The following PRKAR2A variants were observed in gnomAD, a reference collection of about 807,000 sequenced individuals.
PRKAR2A encodes protein kinase cAMP-dependent type II regulatory subunit alpha, also known as cAMP-dependent protein kinase type II-alpha regulatory subunit.
In PRKAR2A, 29 loss-of-function variants were observed where a neutral mutation model predicts 51.9. The observed-to-expected ratio is 0.56, with a 90% CI of 0.42 to 0.76. The LOEUF (loss-of-function observed/expected upper bound fraction) is 0.76. PRKAR2A is among the 30% of genes least tolerant of loss of function. The pLI is 0.00. For missense variants in PRKAR2A, 445 were observed against 512.1 expected, an observed-to-expected ratio of 0.87 and a Z score of 1.26; for synonymous variants, 178 against 186.2, an observed-to-expected ratio of 0.96 and a Z score of 0.36.
At chr3:48,807,329 T>C (rs1265194968) in intron 2 of PRKAR2A, among the ~76,000 whole-genome samples, 1 of 151,944 alleles carries the variant, frequency 6.6e-6, no homozygotes, top group African/African-American at 2.4e-5. Context: ...AAAAGGTATA[T>C]GTAAGAGTTA....
chr3:48,824,370 G>A (rs2083022656), intron 1 of PRKAR2A, among the ~76,000 whole-genome samples: 1 of 151,886 alleles, frequency 6.6e-6, no homozygotes, highest in Non-Finnish European at 1.5e-5. Flanking sequence ...GCTCCAGCCT[G>A]GGTAACAGAG....
intron 1 of PRKAR2A, among the ~76,000 whole-genome samples, chr3:48,829,292 G>C (rs2083126393): frequency 6.6e-6 from 1 of 151,464 alleles, no homozygotes; most frequent in Non-Finnish European, 1.5e-5. Context: ...GCCCAGGTGG[G>C]CAGATCACCT....
At chr3:48,755,813 C>T (rs2107202386) in intron 9 of PRKAR2A, among the ~76,000 whole-genome samples, 1 of 144,710 alleles carries the variant, frequency 6.9e-6, no homozygotes, top group Non-Finnish European at 1.5e-5. Flanking sequence ...GAGTCTCGCT[C>T]TGTCGCCCAG....
intron 1 of PRKAR2A, among the ~76,000 whole-genome samples, chr3:48,808,049 T>C (rs1445832715): frequency 2.1e-5 from 3 of 141,754 alleles, no homozygotes; most frequent in South Asian, 2.3e-4. Context: ...TCTTTCTTTC[T>C]TTTTTTTTTT....
chr3:48,760,949 G>A (rs1481624358), intron 8 of PRKAR2A, among the ~76,000 whole-genome samples: 1 of 151,844 alleles, frequency 6.6e-6, no homozygotes, highest in Admixed American at 6.6e-5. Context: ...ATTGCACACT[G>A]TACTGAAGCC....
intron 1 of PRKAR2A, among the ~76,000 whole-genome samples, chr3:48,813,986 C>T (rs1206044621): frequency 1.3e-5 from 2 of 152,046 alleles, no homozygotes; most frequent in South Asian, 2.1e-4. Context: ...TAGGGCCAGG[C>T]GCAGTGTAAT....
At chr3:48,808,247 TTTTTG>T (rs1227797121) in intron 1 of PRKAR2A, among the ~76,000 whole-genome samples, 59 of 150,136 alleles carry the variant, frequency 3.9e-4, no homozygotes, top group South Asian at 2.5e-3. Flanking sequence ...GGGTTTTTTG[TTTTTG>T]TTTTGTTTTG....
intron 9 of PRKAR2A, among the ~76,000 whole-genome samples, chr3:48,753,619 G>C (rs143627939): frequency 6.6e-6 from 1 of 152,148 alleles, no homozygotes; most frequent in East Asian, 1.9e-4. Context: ...CTCTAAAACA[G>C]AAGGGACTTA....
At chr3:48,793,940 A>C in intron 3 of PRKAR2A, 57 bp downstream of exon 3, 1 of 1,315,734 alleles carries the variant, frequency 7.6e-7, no homozygotes, top group Non-Finnish European at 1.1e-6. Context: ...TATGTAGAGA[A>C]GGGGAGTTAA....
In PRKAR2A at chr3:48,785,094, CT is replaced by C. The variant is rs34088103; in HGVS notation, c.436-2003del. Among the ~76,000 whole-genome samples the C allele has an allele frequency of 3.7e-3, 511 of 137,386 alleles. 6 individuals are homozygous for C. Among genetic ancestry groups the C allele is most frequent in the African/African-American group, 0.011 (416 of 37,092 alleles). 90.1% of individuals were successfully genotyped at this position (137,386 alleles called of 152,430 possible). On this transcript the variant is annotated intron_variant, in intron 4 of 10. Transcript: ENST00000265563. ...TATTGTGTTAACATAGGAAAATATT[CT>C]TTTTTTTTTTTTTTTGAGACAGTCT...
chr3:48,767,878 C>T (rs1354186581), intron 6 of PRKAR2A, among the ~76,000 whole-genome samples: 3 of 151,262 alleles, frequency 2.0e-5, no homozygotes, highest in Non-Finnish European at 4.4e-5. Context: ...GAGCCAAGAT[C>T]ACACCACTGC....
At chr3:48,825,839 C>T (rs1232131804) in intron 1 of PRKAR2A, among the ~76,000 whole-genome samples, 5 of 152,102 alleles carry the variant, frequency 3.3e-5, no homozygotes, top group Admixed American at 6.6e-5. Flanking sequence ...TACTTCCATA[C>T]AATTCTGATG....
rs560392944 is a variant in PRKAR2A at position 48,775,638 on chromosome 3, T to C, written c.543-2530A>G. On this transcript the variant is annotated intron_variant, in intron 5 of 10. Coordinates refer to ENST00000265563, the MANE Select transcript of PRKAR2A (RefSeq NM_004157.4). ...AACGCCTTAAAAAGACCCTTTGATATTGCAATTCCATTTCTAGTCATTCCA... is the reference window on the plus strand; with the variant it reads ...AACGCCTTAAAAAGACCCTTTGATACTGCAATTCCATTTCTAGTCATTCCA... 3.4e-4 allele frequency among the ~76,000 whole-genome samples: 51 copies of C among 152,044 alleles called. 1 individual carries two copies. Among genetic ancestry groups the C allele is most frequent in the Admixed American group, 2.2e-3 (34 of 15,200 alleles).
intron 5 of PRKAR2A, among the ~76,000 whole-genome samples, chr3:48,781,820 A>AT (rs1348751814): frequency 6.6e-6 from 1 of 151,526 alleles, no homozygotes; most frequent in Non-Finnish European, 1.5e-5. Context: ...CAATTTTTGT[A>AT]TTTTTTAAGT....
At chr3:48,836,399 C>T (rs367829477) in intron 1 of PRKAR2A, among the ~76,000 whole-genome samples, 4 of 100,780 alleles carry the variant, frequency 4.0e-5, no homozygotes, top group South Asian at 2.8e-4. Flanking sequence ...CCAGCCTGGG[C>T]GACAGTGCGA....
At chr3:48,831,178 T>G (rs929294583) in intron 1 of PRKAR2A, among the ~76,000 whole-genome samples, 3 of 152,248 alleles carry the variant, frequency 2.0e-5, no homozygotes, top group African/African-American at 7.2e-5. Context: ...ACCACAAACA[T>G]GTAATGTGTT....
chr3:48,841,364 T>C (rs1180979990), intron 1 of PRKAR2A, among the ~76,000 whole-genome samples: 1 of 150,862 alleles, frequency 6.6e-6, no homozygotes, highest in Non-Finnish European at 1.5e-5. Flanking sequence ...GTCAATATGG[T>C]GAAACACCAT....
intron 9 of PRKAR2A, 27 bp downstream of exon 9, chr3:48,756,352 C>A: frequency 1.3e-6 from 2 of 1,580,366 alleles, no homozygotes; most frequent in Non-Finnish European, 1.7e-6. Context: ...TGTGTGTACA[C>A]CATCACATAT....
At chr3:48,821,883 C>G (rs1182789402) in intron 1 of PRKAR2A, among the ~76,000 whole-genome samples, 1 of 148,686 alleles carries the variant, frequency 6.7e-6, no homozygotes, top group Non-Finnish European at 1.5e-5. Flanking sequence ...CTACTGCACT[C>G]CAGCCTGGGC....
Sources: gnomAD v4.1 joint callset for allele counts (sites outside exome capture counted in the v4.1 genomes callset) on GRCh38, gnomAD v4.1.1 for gene constraint, MANE v1.5 for transcripts, NCBI Gene and HGNC (gene_info 2026-07-23, HGNC 2026-07-21) for gene names.